Variants in THOC1 observed in about 807,000 individuals in gnomAD.
THOC1 encodes THO complex subunit 1, also known as THO complex 1.
Under a neutral mutation model 97.3 loss-of-function variants are expected in THOC1, and 29 were observed. That is an observed-to-expected ratio of 0.30 (90% CI 0.22 to 0.41). The LOEUF is 0.41. Among genes scored for constraint, THOC1 ranks in the 10% least tolerant of loss-of-function variants. The pLI is 1.00. For missense variants in THOC1, 529 were observed against 761.9 expected (o/e 0.69, Z 3.60); for synonymous variants, 255 against 257.0 (o/e 0.99, Z 0.07).
intron 10 of THOC1, among the ~76,000 whole-genome samples, chr18:246,916 CAAAAAAAA>C (rs36101469): frequency 2.0e-5 from 2 of 98,230 alleles, no homozygotes; most frequent in Admixed American, 1.1e-4. Flanking sequence ...GGCTCCGTCT[CAAAAAAAA>C]AAAAAAAAAA....
At chr18:232,082 A>G (rs750636177) in intron 11 of THOC1, among the ~76,000 whole-genome samples, 2 of 152,186 alleles carry the variant, frequency 1.3e-5, no homozygotes, top group Non-Finnish European at 2.9e-5. Flanking sequence ...CTGTGTTCCA[A>G]TAAAAATTAT....
chr18:230,074 C>T (rs1911432276), intron 11 of THOC1, among the ~76,000 whole-genome samples: 1 of 152,214 alleles, frequency 6.6e-6, no homozygotes, highest in Non-Finnish European at 1.5e-5. Context: ...CCTGAATGTT[C>T]AACTGACACC....
intron 10 of THOC1, among the ~76,000 whole-genome samples, chr18:247,586 A>T (rs1341417073): frequency 1.3e-5 from 2 of 152,256 alleles, no homozygotes; most frequent in East Asian, 3.8e-4. Flanking sequence ...ATTCTGCAAA[A>T]TATCAATTTA....
chr18:259,370 A>G (rs1912533977), intron 6 of THOC1, 95 bp from the exon 7 acceptor site: 1 of 1,045,378 alleles, frequency 9.6e-7, no homozygotes, highest in Non-Finnish European at 1.4e-6. Context: ...TGTCAAGAGT[A>G]TTTTCCTAAA....
At chr18:227,955 AAAT>A (rs1422709048) in intron 11 of THOC1, among the ~76,000 whole-genome samples, 3 of 151,976 alleles carry the variant, frequency 2.0e-5, no homozygotes, top group Non-Finnish European at 4.4e-5. Flanking sequence ...TTAAAAAAAA[AAAT>A]TAATGATCAG....
chr18:257,032 G>A (rs373790599), intron 7 of THOC1, among the ~76,000 whole-genome samples: 8 of 152,036 alleles, frequency 5.3e-5, no homozygotes, highest in African/African-American at 1.7e-4. Context: ...CTAGAAGTAC[G>A]GTATGTACAT....
At position 224,843 on chromosome 18, in the gene THOC1, A is replaced by G. The variant is rs2143167980; in HGVS notation, c.1208+81T>C. 3.6e-6 allele frequency: 4 copies of G among 1,110,998 alleles called. No homozygotes were observed. In the South Asian group the frequency reaches 5.5e-5, roughly 15 times the overall value. 68.8% of individuals were successfully genotyped at this position (1,110,998 alleles called of 1,614,324 possible). On this transcript the variant is annotated intron_variant, in intron 15 of 20. Transcript: ENST00000261600. ...ACATGTATTTTTACATGCTATAATC[A>G]TATCGGAGCACATTTTCAAAAGCCT... is the stretch of plus-strand genomic sequence containing the variant.
chr18:234,766 A>T (rs545574110), intron 11 of THOC1, among the ~76,000 whole-genome samples: 151 of 90,814 alleles, frequency 1.7e-3, no homozygotes, highest in African/African-American at 2.5e-3. Context: ...CTCTATTTTT[A>T]AAAAAATTAC....
chr18:216,478 GTACT>G lies in THOC1; in HGVS notation c.1602+4_1602+7del. 1 of 1,613,106 alleles carries G rather than the reference GTACT, an allele frequency of 6.2e-7. No individual in the cohort carries two copies. Among genetic ancestry groups the G allele is most frequent in the Non-Finnish European group, 8.5e-7 (1 of 1,179,482 alleles). On this transcript the variant is annotated splice_donor_5th_base_variant and intron_variant, in intron 19 of 20. Coordinates refer to ENST00000261600, the MANE Select transcript of THOC1 (RefSeq NM_005131.3). ...AAAGGGTATGAAAAGTTGATCTATGGTACTTACCGGTAATTCCTTGGCTAGCTTT... is the reference window on the plus strand; with the variant it reads ...AAAGGGTATGAAAAGTTGATCTATGGTACCGGTAATTCCTTGGCTAGCTTT...
At chr18:229,074 C>T (rs114970503) in intron 11 of THOC1, among the ~76,000 whole-genome samples, 1,894 of 152,298 alleles carry the variant, frequency 0.012, 41 homozygotes, top group African/African-American at 0.043. Flanking sequence ...GCACCTACAC[C>T]TTTGTTTACT....
At chr18:225,563 A>C (rs1457920860) in intron 12 of THOC1, 160 bp from the exon 13 acceptor site, 1 of 618,832 alleles carries the variant, frequency 1.6e-6, no homozygotes, top group East Asian at 2.8e-5. Context: ...ATAAGAGAAA[A>C]TTCTTGCACT....
chr18:255,998 G>C (rs1209007970), intron 7 of THOC1, among the ~76,000 whole-genome samples: 8 of 152,128 alleles, frequency 5.3e-5, no homozygotes, highest in African/African-American at 1.9e-4. Context: ...TAACTGCTCA[G>C]AAAAAAAGAT....
At position 241,166 on chromosome 18, in the gene THOC1, TA is replaced by T. The variant is rs200831174; in HGVS notation, c.918+5157del. On this transcript the variant is annotated intron_variant, in intron 11 of 20. Coordinates refer to ENST00000261600, the MANE Select transcript of THOC1 (RefSeq NM_005131.3). ...CCCATGCCGAGAACAACTAATGAGA[TA>T]AAAAAAAAAATTGTAGCATAGTGGT... 2.1e-3 allele frequency among the ~76,000 whole-genome samples: 314 copies of T among 147,430 alleles called. 3 individuals carry two copies. The highest frequency in any genetic ancestry group is 6.5e-3 in the African/African-American group (264 of 40,468).
intron 11 of THOC1, among the ~76,000 whole-genome samples, chr18:234,072 C>G (rs1911589143): frequency 1.3e-5 from 2 of 152,178 alleles, no homozygotes; most frequent in African/African-American, 4.8e-5. Flanking sequence ...AGAGCTTTCA[C>G]TGCTATTCTG....
chr18:217,029 A>G (rs1002815755), intron 18 of THOC1, among the ~76,000 whole-genome samples: 2 of 152,246 alleles, frequency 1.3e-5, no homozygotes, highest in Non-Finnish European at 2.9e-5. Flanking sequence ...TATAACAATG[A>G]TCAGGGTGGT....
rs147527939 is a variant in THOC1 at position 266,627 on chromosome 18, G to C, written c.55-1097C>G. Among the ~76,000 whole-genome samples the C allele has an allele frequency of 1.5e-4, 23 of 149,084 alleles. No homozygotes were observed. The East Asian group carries it at 4.2e-3, about 27-fold the overall frequency. On this transcript the variant is annotated intron_variant, in intron 1 of 20. Transcript: ENST00000261600. ...ATCTTGGCTCACTGCAACCTCCGCT[G>C]TCCGGGTTCAAGCGATTCTCCTGCC...
At position 254,212 on chromosome 18, in the gene THOC1, C is replaced by G; in HGVS notation, c.603+61G>C. 8.5e-7 allele frequency: 1 copy of G among 1,181,710 alleles called. No individual in the cohort carries two copies. The highest frequency in any genetic ancestry group is 1.5e-5 in the African/African-American group (1 of 65,920). 73.2% of individuals were successfully genotyped at this position (1,181,710 alleles called of 1,614,324 possible). On this transcript the variant is annotated intron_variant, in intron 8 of 20. Transcript: ENST00000261600. The surrounding 1 kb of genome is among the most constrained non-coding windows in gnomAD (Gnocchi z 4.1). ...CAAGTGTGAGCCACTGTGCCTGGAC[C>G]CACTATCTTAATAACAAACTTGCAA...
chr18:242,634 C>T lies in THOC1; in HGVS notation c.918+3690G>A, dbSNP rs189313012. Among the ~76,000 whole-genome samples, 7 of 152,276 alleles carry T rather than the reference C, an allele frequency of 4.6e-5. No individual in the cohort carries two copies. The highest frequency in any genetic ancestry group is 1.3e-4 in the Admixed American group (2 of 15,300). ...TGACAAGCACTTTTCTAAACCTGCTCACCAGTGAAATGATAGGCTAAAGAG... is the reference window on the plus strand; with the variant it reads ...TGACAAGCACTTTTCTAAACCTGCTTACCAGTGAAATGATAGGCTAAAGAG... On this transcript the variant is annotated intron_variant, in intron 11 of 20. Transcript: ENST00000261600. This position sits in a 1 kb window ranked among gnomAD's most constrained non-coding sequence, Gnocchi z 4.5.
intron 9 of THOC1, among the ~76,000 whole-genome samples, chr18:248,853 C>T (rs928462707): frequency 1.3e-5 from 2 of 151,926 alleles, no homozygotes; most frequent in Non-Finnish European, 2.9e-5. Context: ...CGGGTTCAAG[C>T]GATTCTCCTG....
Sources: gnomAD v4.1 joint callset for allele counts (sites outside exome capture counted in the v4.1 genomes callset) on GRCh38, gnomAD v4.1.1 for gene constraint, Gnocchi (gnomAD v3.1) non-coding constraint, MANE v1.5 for transcripts, NCBI Gene and HGNC (gene_info 2026-07-23, HGNC 2026-07-21) for gene names.